The following KLF12 variants were observed in gnomAD, a reference collection of about 807,000 sequenced individuals.
The protein encoded by KLF12 is Krueppel-like factor 12.
A neutral mutation model predicts 37.8 loss-of-function variants in KLF12; 9 were observed. The observed-to-expected ratio is 0.24, with a 90% CI of 0.14 to 0.42. KLF12 has a LOEUF of 0.42. Ranked by LOEUF, KLF12 falls within the 10% of genes least tolerant of loss-of-function variation. KLF12 has a pLI of 1.00. For synonymous variants in KLF12, 208 were observed against 202.1 expected (o/e 1.03, Z -0.25); for missense variants, 411 against 516.0 (o/e 0.80, Z 1.97).
chr13:73,787,201 G>A (rs1881406724), intron 5 of KLF12, among the ~76,000 whole-genome samples: 1 of 152,034 alleles, frequency 6.6e-6, no homozygotes, highest in Non-Finnish European at 1.5e-5. Context: ...TTAATTTATG[G>A]AGCACCTGCT....
At chr13:73,817,628 G>A (rs576136029) in intron 4 of KLF12, among the ~76,000 whole-genome samples, 11 of 152,290 alleles carry the variant, frequency 7.2e-5, no homozygotes, top group South Asian at 2.1e-4. Flanking sequence ...CTAACTTGAC[G>A]TGGAAACAGA....
chr13:74,193,346 ACT>A, the KLF12 span, among the ~76,000 whole-genome samples: 6 of 152,170 alleles, frequency 3.9e-5, no homozygotes, highest in Non-Finnish European at 5.9e-5. Flanking sequence ...TATGTCACCT[ACT>A]TTAATCAACA....
At chr13:73,826,062 T>G (rs951923625) in intron 4 of KLF12, among the ~76,000 whole-genome samples, 2 of 152,054 alleles carry the variant, frequency 1.3e-5, no homozygotes, top group African/African-American at 4.8e-5. Flanking sequence ...AAGCTCCGCC[T>G]CCTGGGTTCA....
In KLF12 at chr13:73,942,194, C is replaced by T. The variant is rs557631877; in HGVS notation, c.123+1787G>A. ...TACCAAGACTGGTGACAGCAACCCA[C>T]GATCCTGGCTTTGACCATTGGTCTG... On this transcript the variant is annotated intron_variant, in intron 3 of 7. Coordinates refer to ENST00000377669, the MANE Select transcript of KLF12 (RefSeq NM_007249.5). Among the ~76,000 whole-genome samples the T allele has an allele frequency of 9.2e-5, 14 of 152,260 alleles. No homozygotes were observed. In the East Asian group the frequency reaches 2.5e-3, roughly 27 times the overall value.
chr13:73,947,602 G>C lies in KLF12; in HGVS notation c.34-3532C>G, dbSNP rs1234011157. ...GGAGGCAGAGGTTGCTGTGAGCCAAGATGGTGCCACTGCACTCCAGCCTGA... is the reference window on the plus strand; with the variant it reads ...GGAGGCAGAGGTTGCTGTGAGCCAACATGGTGCCACTGCACTCCAGCCTGA... On this transcript the variant is annotated intron_variant, in intron 2 of 7. Coordinates refer to ENST00000377669, the MANE Select transcript of KLF12 (RefSeq NM_007249.5). Among the ~76,000 whole-genome samples the C allele has an allele frequency of 2.9e-5, 4 of 138,562 alleles. No homozygotes were observed. The East Asian group carries it at 8.4e-4, about 29-fold the overall frequency. The allele number at this position is 138,562 out of a possible 152,430, so 90.9% of individuals were successfully genotyped here.
intron 3 of KLF12, among the ~76,000 whole-genome samples, chr13:73,923,966 C>G (rs1043287467): frequency 6.6e-6 from 1 of 152,200 alleles, no homozygotes; most frequent in Admixed American, 6.5e-5. Flanking sequence ...TCAAATGATA[C>G]TACATGTGGG....
rs1398531819 is a variant in KLF12 at position 73,693,664 on chromosome 13, C to T, written c.*1826G>A. 6.6e-6 allele frequency: 1 copy of T among 152,562 alleles called. No homozygotes were observed. The allele number at this position is 152,562 out of a possible 1,614,324, so 9.5% of individuals were successfully genotyped here. ...CGGAAATTATTTCAGAATGTCCAGA[C>T]ATTTAAAAATGAGCTAGTAATATTG... On this transcript the variant is annotated 3_prime_UTR_variant, in exon 8 of 8. Coordinates refer to ENST00000377669, the MANE Select transcript of KLF12 (RefSeq NM_007249.5).
At chr13:73,977,883 C>T (rs1329774663) in intron 2 of KLF12, among the ~76,000 whole-genome samples, 2 of 152,196 alleles carry the variant, frequency 1.3e-5, no homozygotes, top group Non-Finnish European at 2.9e-5. Flanking sequence ...GATAGTCTTT[C>T]CAACAAATGG....
intron 1 of KLF12, among the ~76,000 whole-genome samples, chr13:74,071,711 AT>A (rs1874263100): frequency 6.6e-6 from 1 of 152,174 alleles, no homozygotes; most frequent in Non-Finnish European, 1.5e-5. Context: ...AAAAAAAGAA[AT>A]GACTGAATGG....
chr13:73,733,561 A>T (rs1877228852), intron 6 of KLF12, among the ~76,000 whole-genome samples: 1 of 152,052 alleles, frequency 6.6e-6, no homozygotes, highest in Non-Finnish European at 1.5e-5. Context: ...CACACACTTT[A>T]TCCTTATTCA....
intron 1 of KLF12, among the ~76,000 whole-genome samples, chr13:74,096,924 CA>C (rs1876017346): frequency 2.0e-5 from 3 of 152,056 alleles, no homozygotes. Flanking sequence ...CATTTTGAAA[CA>C]AAGGAGTTAA....
chr13:73,962,264 T>C (rs1891043695), intron 2 of KLF12, among the ~76,000 whole-genome samples: 1 of 152,196 alleles, frequency 6.6e-6, no homozygotes, highest in South Asian at 2.1e-4. Flanking sequence ...TTCAACTCTA[T>C]GACATTTTGG....
At chr13:74,085,247 T>C (rs943715909) in intron 1 of KLF12, among the ~76,000 whole-genome samples, 1 of 152,164 alleles carries the variant, frequency 6.6e-6, no homozygotes, top group African/African-American at 2.4e-5. Flanking sequence ...CATGAACATA[T>C]GCAAAAACGG....
chr13:73,869,918 G>C (rs776431221), intron 3 of KLF12, among the ~76,000 whole-genome samples: 1 of 152,084 alleles, frequency 6.6e-6, no homozygotes, highest in Non-Finnish European at 1.5e-5. Context: ...AAATCAGAAG[G>C]CTCTGAGTAG....
intron 7 of KLF12, among the ~76,000 whole-genome samples, chr13:73,697,573 T>A (rs1051319918): frequency 2.0e-5 from 3 of 152,210 alleles, no homozygotes; most frequent in Non-Finnish European, 4.4e-5. Context: ...CTTTTACGTG[T>A]TACATGTCAT....
intron 7 of KLF12, among the ~76,000 whole-genome samples, chr13:73,702,194 GGTTTT>G (rs1199856355): frequency 6.6e-6 from 1 of 151,976 alleles, no homozygotes; most frequent in African/African-American, 2.4e-5. Context: ...CTCACATCAG[GGTTTT>G]GTTTTGTTTT....
At chr13:74,084,239 C>T (rs1042702131) in intron 1 of KLF12, among the ~76,000 whole-genome samples, 5 of 152,086 alleles carry the variant, frequency 3.3e-5, no homozygotes, top group African/African-American at 1.2e-4. Context: ...TTGAATCAAC[C>T]ATTCCCTATG....
At position 74,011,803 on chromosome 13, in the gene KLF12, G is replaced by A. The variant is rs578189352; in HGVS notation, c.-31-16750C>T. Among the ~76,000 whole-genome samples, 3 of 152,286 alleles carry A rather than the reference G, an allele frequency of 2.0e-5. No homozygotes were observed. In the South Asian group the frequency reaches 6.2e-4, roughly 32 times the overall value. On this transcript the variant is annotated intron_variant, in intron 1 of 7. Coordinates refer to ENST00000377669, the MANE Select transcript of KLF12 (RefSeq NM_007249.5). ...CTGTGGATTTTGGCATCAGAAGAGT[G>A]TCTTTTCTCCCATGAATACCAAGGG...
At chr13:73,955,828 T>C (rs1179373941) in intron 2 of KLF12, among the ~76,000 whole-genome samples, 2 of 152,178 alleles carry the variant, frequency 1.3e-5, no homozygotes, top group African/African-American at 4.8e-5. Context: ...AGTTGCTAAA[T>C]TTCAAAATTA....
Sources: allele counts gnomAD v4.1 joint callset (sites outside exome capture counted in the v4.1 genomes callset), GRCh38; gene constraint gnomAD v4.1.1; transcripts MANE v1.5; gene names NCBI Gene and HGNC (gene_info 2026-07-23, HGNC 2026-07-21).